The following DPP8 variants were observed in gnomAD, a reference collection of about 807,000 sequenced individuals.
The protein encoded by DPP8 is dipeptidyl peptidase 8.
In DPP8, 31 loss-of-function variants were observed where a neutral mutation model predicts 107.5. That is an observed-to-expected ratio of 0.29 (90% CI 0.22 to 0.39). The LOEUF is 0.39. Among genes scored for constraint, DPP8 ranks in the 10% least tolerant of loss-of-function variants. The pLI is 1.00. For synonymous variants in DPP8, 381 were observed against 356.6 expected (o/e 1.07, Z -0.77); for missense variants, 842 against 1,076.1 (o/e 0.78, Z 3.04).
intron 19 of DPP8, among the ~76,000 whole-genome samples, chr15:65,449,512 CA>C (rs2063810104): frequency 6.6e-6 from 1 of 151,866 alleles, no homozygotes; most frequent in African/African-American, 2.4e-5. Context: ...CGGGTTCAAG[CA>C]ATTCTCATGC....
intron 5 of DPP8, among the ~76,000 whole-genome samples, chr15:65,495,806 C>G (rs1056656260): frequency 6.7e-6 from 1 of 150,056 alleles, no homozygotes; most frequent in Non-Finnish European, 1.5e-5. Context: ...CACCTGAACC[C>G]GAGAGGCGAA....
intron 5 of DPP8, among the ~76,000 whole-genome samples, chr15:65,492,609 T>C (rs1397216649): frequency 3.3e-5 from 5 of 152,266 alleles, no homozygotes; most frequent in African/African-American, 1.2e-4. Flanking sequence ...TTTTATTTTA[T>C]TTTTGAGACA....
At chr15:65,473,373 G>C (rs1301404238) in intron 12 of DPP8, among the ~76,000 whole-genome samples, 2 of 150,934 alleles carry the variant, frequency 1.3e-5, no homozygotes, top group Non-Finnish European at 3.0e-5. Flanking sequence ...AAGACAGACA[G>C]ACTAACCTAT....
At chr15:65,476,247 T>G (rs1211627502) in intron 11 of DPP8, among the ~76,000 whole-genome samples, 2 of 152,202 alleles carry the variant, frequency 1.3e-5, no homozygotes, top group African/African-American at 2.4e-5. Flanking sequence ...TAAAAAAATA[T>G]TTTAAACTCG....
Position 65,466,906 on chromosome 15 carries a change from A to G in DPP8, c.1690-93T>C, listed in dbSNP as rs573882501. The G allele has an allele frequency of 4.1e-5, 58 of 1,413,908 alleles. No individual in the cohort carries two copies. In the East Asian group the frequency reaches 1.3e-3, roughly 31 times the overall value. The allele number at this position is 1,413,908 out of a possible 1,614,324, so 87.6% of individuals were successfully genotyped here. On this transcript the variant is annotated intron_variant, in intron 13 of 19. Transcript: ENST00000300141. ...GCACTAATGATATAGCAAGAGTATT[A>G]TAAGAGACTATTTATGTACATATAC...
intron 14 of DPP8, among the ~76,000 whole-genome samples, chr15:65,465,778 G>A (rs139391194): frequency 0.01 from 1,584 of 150,930 alleles, 33 homozygotes; most frequent in African/African-American, 0.037. Flanking sequence ...GGATGGTCTC[G>A]ATCTCCTGAC....
intron 15 of DPP8, among the ~76,000 whole-genome samples, chr15:65,457,819 T>C (rs1205881192): frequency 2.0e-5 from 3 of 151,978 alleles, no homozygotes; most frequent in Non-Finnish European, 4.4e-5. Context: ...TAAGAGATGG[T>C]GTCTCACTCT....
chr15:65,459,941 C>G (rs918847620), intron 15 of DPP8, among the ~76,000 whole-genome samples: 3 of 150,858 alleles, frequency 2.0e-5, no homozygotes, highest in Middle Eastern at 3.2e-3. Context: ...GGCAACACAG[C>G]GAGACTCCAT....
intron 3 of DPP8, among the ~76,000 whole-genome samples, chr15:65,506,177 A>G (rs2069960987): frequency 6.6e-6 from 1 of 151,442 alleles, no homozygotes; most frequent in Admixed American, 6.6e-5. Context: ...TAAAAATACA[A>G]AATTAGCTGG....
intron 10 of DPP8, among the ~76,000 whole-genome samples, chr15:65,479,725 T>C (rs959772098): frequency 1.3e-5 from 2 of 151,352 alleles, no homozygotes; most frequent in Non-Finnish European, 2.9e-5. Context: ...GCGCCTGTAG[T>C]CCCAGCTACT....
chr15:65,481,448 A>G, intron 9 of DPP8, 67 bp downstream of exon 9: 1 of 1,125,232 alleles, frequency 8.9e-7, no homozygotes, highest in Non-Finnish European at 1.3e-6. Context: ...CAAACCTAAT[A>G]GCACAAATAT....
At chr15:65,503,981 C>T (rs1021797487) in intron 3 of DPP8, among the ~76,000 whole-genome samples, 3 of 150,988 alleles carry the variant, frequency 2.0e-5, no homozygotes, top group Admixed American at 6.6e-5. Context: ...AGGCTGGTCT[C>T]GAACTCCTGG....
intron 19 of DPP8, 65 bp downstream of exon 19, chr15:65,450,934 T>C (rs1047557580): frequency 1.9e-5 from 20 of 1,033,562 alleles, no homozygotes; most frequent in Admixed American, 3.9e-5. Flanking sequence ...CCACAGCTAA[T>C]AGATTTCAAA....
intron 7 of DPP8, among the ~76,000 whole-genome samples, chr15:65,487,050 T>C (rs1273795677): frequency 6.6e-6 from 1 of 152,172 alleles, no homozygotes; most frequent in Admixed American, 6.5e-5. Context: ...TGAAATTATG[T>C]ATTATTTTTA....
chr15:65,479,334 GGTTT>G (rs1389399205), intron 10 of DPP8, among the ~76,000 whole-genome samples: 3 of 152,004 alleles, frequency 2.0e-5, no homozygotes, highest in African/African-American at 4.8e-5. Flanking sequence ...CATGGCACAA[GGTTT>G]GTTTAATAAT....
chr15:65,504,491 G>A (rs1339069626), intron 3 of DPP8, among the ~76,000 whole-genome samples: 2 of 151,504 alleles, frequency 1.3e-5, no homozygotes, highest in African/African-American at 4.9e-5. Context: ...CCAACATGGT[G>A]AAACCCTGTC....
intron 7 of DPP8, among the ~76,000 whole-genome samples, chr15:65,487,039 G>A (rs1384985947): frequency 6.6e-6 from 1 of 152,066 alleles, no homozygotes; most frequent in Non-Finnish European, 1.5e-5. Context: ...AAAGTGAAAA[G>A]TGAAATTATG....
intron 3 of DPP8, among the ~76,000 whole-genome samples, chr15:65,504,997 T>G (rs959977363): frequency 6.6e-6 from 1 of 151,928 alleles, no homozygotes; most frequent in Admixed American, 6.6e-5. Context: ...AAAAAAGAAT[T>G]TGTATACTTT....
chr15:65,512,865 C>T (rs914351822), intron 1 of DPP8: 4 of 320,404 alleles, frequency 1.2e-5, no homozygotes, highest in Non-Finnish European at 2.3e-5. Context: ...TTTTCTTTCC[C>T]ACACTGGAAG....
Sources: allele counts gnomAD v4.1 joint callset (sites outside exome capture counted in the v4.1 genomes callset), GRCh38; gene constraint gnomAD v4.1.1; transcripts MANE v1.5; gene names NCBI Gene and HGNC (gene_info 2026-07-23, HGNC 2026-07-21).